CABCOCO1: variants seen among roughly 807,000 people sequenced by gnomAD.
CABCOCO1 encodes the protein ciliary associated calcium binding coiled-coil 1, also known as ciliary-associated calcium-binding coiled-coil protein 1.
Under a neutral mutation model 35.7 loss-of-function variants are expected in CABCOCO1, and 28 were observed. That is an observed-to-expected ratio of 0.78 (90% CI 0.58 to 1.07). The LOEUF (loss-of-function observed/expected upper bound fraction) is 1.07. Ranked by LOEUF, CABCOCO1 falls within the 50% of genes least tolerant of loss-of-function variation. CABCOCO1 has a pLI of 0.00. For synonymous variants in CABCOCO1, 95 were observed against 100.1 expected, an observed-to-expected ratio of 0.95 and a Z score of 0.30; for missense variants, 326 against 309.2, an observed-to-expected ratio of 1.05 and a Z score of -0.41.
chr10:61,680,488 CAT>C (rs1422867701), intron 2 of CABCOCO1, among the ~76,000 whole-genome samples: 5 of 129,650 alleles, frequency 3.9e-5, no homozygotes, highest in Non-Finnish European at 7.9e-5. Context: ...ATATATATAA[CAT>C]ATTATATGTT....
At chr10:61,688,111 G>A (rs894567622) in intron 4 of CABCOCO1, among the ~76,000 whole-genome samples, 1 of 151,910 alleles carries the variant, frequency 6.6e-6, no homozygotes, top group African/African-American at 2.4e-5. Context: ...CATGGCACCC[G>A]TTTAAACCTA....
intron 5 of CABCOCO1, among the ~76,000 whole-genome samples, chr10:61,720,828 G>A (rs1185071580): frequency 2.6e-5 from 4 of 151,480 alleles, no homozygotes; most frequent in South Asian, 4.2e-4. Flanking sequence ...GTAAGCACCC[G>A]TGTACAAACA....
chr10:61,725,251 A>T (rs1006586026), intron 5 of CABCOCO1, among the ~76,000 whole-genome samples: 2 of 152,180 alleles, frequency 1.3e-5, no homozygotes, highest in African/African-American at 4.8e-5. Context: ...CAGCCATCCC[A>T]TTACTGGGTA....
At chr10:61,742,862 A>G (rs1005629825) in intron 5 of CABCOCO1, among the ~76,000 whole-genome samples, 1 of 152,204 alleles carries the variant, frequency 6.6e-6, no homozygotes, top group African/African-American at 2.4e-5. Context: ...GGAGAAGATA[A>G]TAGGTTTCTG....
chr10:61,762,871 C>T (rs960044631), intron 7 of CABCOCO1, among the ~76,000 whole-genome samples: 1 of 152,064 alleles, frequency 6.6e-6, no homozygotes, highest in Non-Finnish European at 1.5e-5. Context: ...ACTTTTTCCA[C>T]GTTTACCCTT....
Position 61,681,209 on chromosome 10 carries a change from T to A in CABCOCO1, c.231T>A (p.Asp77Glu). 1 of 1,543,110 alleles carries A rather than the reference T, an allele frequency of 6.5e-7. No individual in the cohort carries two copies. Among genetic ancestry groups the A allele is most frequent in the South Asian group, 1.2e-5 (1 of 83,142 alleles). ...ETCLKDAILL[D>E]YYVSGFLWAR... ...GTTTAAAGGATGCCATTCTACTAGA[T>A]TATTATGTATCTGGATTTTTGTGGG... Residue 77 changes from aspartate (D) to glutamate (E), a missense_variant, in exon 3 of 8, where the codon GAT (aspartate) becomes GAA (glutamate). Coordinates refer to ENST00000648843, the MANE Select transcript of CABCOCO1 (RefSeq NM_001366906.2).
chr10:61,665,318 CAT>C (rs2131940797), intron 1 of CABCOCO1, among the ~76,000 whole-genome samples: 1 of 152,296 alleles, frequency 6.6e-6, no homozygotes, highest in South Asian at 2.1e-4. Flanking sequence ...TTTTCTGTGA[CAT>C]TGAATAAGTC....
At position 61,760,046 on chromosome 10, in the gene CABCOCO1, T is replaced by C. The variant is rs746846406; in HGVS notation, c.553-13T>C. ...AAGGCTCTGTCATAATTCAACTTTTTTCTTCCCATCAGCAAGTGATAGAGG... is the reference window on the plus strand; with the variant it reads ...AAGGCTCTGTCATAATTCAACTTTTCTCTTCCCATCAGCAAGTGATAGAGG... On this transcript the variant is annotated splice_polypyrimidine_tract_variant and intron_variant, in intron 5 of 7. Coordinates refer to ENST00000648843, the MANE Select transcript of CABCOCO1 (RefSeq NM_001366906.2). 3 of 1,612,352 alleles carry C rather than the reference T, an allele frequency of 1.9e-6. No individual in the cohort carries two copies. The highest frequency in any genetic ancestry group is 2.2e-5 in the South Asian group (2 of 90,986).
At chr10:61,764,922 T>C (rs537738876) in intron 7 of CABCOCO1, among the ~76,000 whole-genome samples, 2 of 152,310 alleles carry the variant, frequency 1.3e-5, no homozygotes, top group South Asian at 2.1e-4. Context: ...CTATCTGTTA[T>C]AGTTACACTC....
At chr10:61,755,364 AG>A (rs1201435711) in intron 5 of CABCOCO1, among the ~76,000 whole-genome samples, 1 of 152,182 alleles carries the variant, frequency 6.6e-6, no homozygotes, top group South Asian at 2.1e-4. Flanking sequence ...CCTTTCTTCA[AG>A]GGGGGGAAAA....
intron 2 of CABCOCO1, among the ~76,000 whole-genome samples, chr10:61,680,437 TATATA>T (rs998483152): frequency 3.2e-5 from 3 of 94,384 alleles, no homozygotes; most frequent in Non-Finnish European, 4.7e-5. Flanking sequence ...TATATTAACA[TATATA>T]ATATATTTTA....
intron 5 of CABCOCO1, among the ~76,000 whole-genome samples, chr10:61,692,828 G>A (rs529675074): frequency 1.3e-5 from 2 of 152,190 alleles, no homozygotes; most frequent in Middle Eastern, 3.4e-3. Context: ...ACTGAAAAAC[G>A]TTTCCATTTC....
chr10:61,728,119 G>A (rs1841207178), intron 5 of CABCOCO1, among the ~76,000 whole-genome samples: 1 of 152,150 alleles, frequency 6.6e-6, no homozygotes, highest in Admixed American at 6.5e-5. Flanking sequence ...GCTTTTGAAA[G>A]CATACAAAGA....
chr10:61,711,285 A>G (rs1426393597), intron 5 of CABCOCO1, among the ~76,000 whole-genome samples: 1 of 152,030 alleles, frequency 6.6e-6, no homozygotes, highest in African/African-American at 2.4e-5. Flanking sequence ...AAGTGGGGAA[A>G]TTATGGAAAA....
rs1338958919 is a variant in CABCOCO1 at position 61,680,675 on chromosome 10, TATGTTATAC to T, written c.165-463_165-455del. Among the ~76,000 whole-genome samples the T allele has an allele frequency of 1.3e-4, 12 of 91,328 alleles. 1 individual carries two copies. In the East Asian group the frequency reaches 2.0e-3, roughly 15 times the overall value. 59.9% of individuals were successfully genotyped at this position (91,328 alleles called of 152,430 possible). A position where few individuals can be genotyped will look rare whatever the true frequency, so the allele number is the denominator to read the frequency against. Reference sequence around the variant, plus strand: ...TATTATGTTATACATGTATAACATATATGTTATACATGTATAACATATATATGTTATACA... The same window carrying T: ...TATTATGTTATACATGTATAACATATATGTATAACATATATATGTTATACA... On this transcript the variant is annotated intron_variant, in intron 2 of 7. Transcript: ENST00000648843.
intron 5 of CABCOCO1, among the ~76,000 whole-genome samples, chr10:61,728,919 C>G (rs1841228689): frequency 6.6e-6 from 1 of 152,132 alleles, no homozygotes; most frequent in Admixed American, 6.5e-5. Flanking sequence ...CGCATGTCTA[C>G]AGTCAAGATT....
Position 61,680,470 on chromosome 10 carries a change from A to ATTATGT in CABCOCO1, c.165-672_165-671insTATGTT, listed in dbSNP as rs1399364856. ...ATATTTTATATATAACATATATAAT[A>ATTATGT]TATATTTATATATATAACATATTAT... On this transcript the variant is annotated intron_variant, in intron 2 of 7. Transcript: ENST00000648843. Among the ~76,000 whole-genome samples, 74 of 115,780 alleles carry ATTATGT rather than the reference A, an allele frequency of 6.4e-4. 1 individual carries two copies. The highest frequency in any genetic ancestry group is 2.2e-3 in the African/African-American group (66 of 29,768). The allele number at this position is 115,780 out of a possible 152,430, so 76.0% of individuals were successfully genotyped here.
chr10:61,711,252 G>A (rs1009378783), intron 5 of CABCOCO1, among the ~76,000 whole-genome samples: 1 of 151,866 alleles, frequency 6.6e-6, no homozygotes, highest in Non-Finnish European at 1.5e-5. Flanking sequence ...ATTCCTACAA[G>A]AATAAGGACA....
intron 5 of CABCOCO1, 57 bp from the exon 6 acceptor site, chr10:61,760,002 A>T (rs1047579856): frequency 2.3e-5 from 37 of 1,603,758 alleles, no homozygotes; most frequent in Non-Finnish European, 2.5e-5. Flanking sequence ...GAACTGACCG[A>T]AACTGTGGTT....
Sources: gnomAD v4.1 joint callset for allele counts (sites outside exome capture counted in the v4.1 genomes callset) on GRCh38, gnomAD v4.1.1 for gene constraint, MANE v1.5 for transcripts, NCBI Gene and HGNC (gene_info 2026-07-23, HGNC 2026-07-21) for gene names.